UNC13C: variants seen among roughly 807,000 people sequenced by gnomAD.
The protein encoded by UNC13C is unc-13 homolog C, also known as protein unc-13 homolog C.
UNC13C carries 174 observed loss-of-function variants against 245.4 expected under a neutral mutation model. The observed-to-expected ratio is 0.71, with a 90% CI of 0.63 to 0.80. The LOEUF is 0.80. UNC13C is among the 30% of genes least tolerant of loss of function. UNC13C has a pLI of 0.00. For synonymous variants in UNC13C, 992 were observed against 895.1 expected (o/e 1.11, Z -1.93); for missense variants, 2,829 against 2,602.9 (o/e 1.09, Z -1.89).
chr15:54,450,967 T>C (rs1891140252), intron 19 of UNC13C, among the ~76,000 whole-genome samples: 1 of 152,190 alleles, frequency 6.6e-6, no homozygotes, highest in African/African-American at 2.4e-5. Flanking sequence ...GGAAAGACTT[T>C]ATTTTGCCTT....
intron 2 of UNC13C, among the ~76,000 whole-genome samples, chr15:54,066,413 T>A (rs1566987397): frequency 6.6e-6 from 1 of 152,214 alleles, no homozygotes. Flanking sequence ...AGTTAGTCCA[T>A]TTTGTGTCTT....
chr15:54,420,406 G>A (rs755611132), intron 19 of UNC13C, among the ~76,000 whole-genome samples: 2 of 151,592 alleles, frequency 1.3e-5, no homozygotes, highest in East Asian at 2.0e-4. Context: ...AAGAGAAAAG[G>A]CAGAAGCTGC....
intron 2 of UNC13C, among the ~76,000 whole-genome samples, chr15:54,070,733 C>T (rs1413666148): frequency 6.6e-6 from 1 of 152,120 alleles, no homozygotes; most frequent in East Asian, 1.9e-4. Context: ...GCTACAGTTT[C>T]TCGGCTTCCT....
intron 1 of UNC13C, among the ~76,000 whole-genome samples, chr15:53,999,031 C>T (rs894920996): frequency 4.6e-5 from 7 of 151,908 alleles, no homozygotes; most frequent in Non-Finnish European, 8.8e-5. Flanking sequence ...TTTTCATCTA[C>T]GTTCATGAGG....
chr15:54,477,091 A>T, intron 19 of UNC13C, among the ~76,000 whole-genome samples: 2 of 95,208 alleles, frequency 2.1e-5, no homozygotes, highest in Admixed American at 1.1e-4. Context: ...GAGTTCACTC[A>T]TGATTTGGCT....
intron 2 of UNC13C, among the ~76,000 whole-genome samples, chr15:54,122,456 T>C (rs1430544777): frequency 2.0e-5 from 3 of 152,084 alleles, no homozygotes; most frequent in African/African-American, 4.8e-5. Context: ...ATTGTACCAA[T>C]AGATTTTTAA....
rs1476678393 is a variant in UNC13C at position 54,013,983 on chromosome 15, T to C, written c.1080T>C (p.Ala360=). 6.2e-7 allele frequency: 1 copy of C among 1,613,754 alleles called. No individual in the cohort carries two copies. ...DAPNAIKIEF[A]QRIGHQRDCP... is the part of the protein sequence containing the mutation. ...CAAATGCTATTAAAATTGAATTTGC[T>C]CAGAGGATAGGACACCAGAGAGACT... The change falls in exon 2 of 33, where the codon GCT becomes GCC. Residue 360 remains alanine, a synonymous_variant. Coordinates refer to ENST00000260323, the MANE Select transcript of UNC13C (RefSeq NM_001080534.3).
At chr15:54,319,627 T>C (rs980524246) in intron 13 of UNC13C, among the ~76,000 whole-genome samples, 4 of 151,946 alleles carry the variant, frequency 2.6e-5, no homozygotes, top group Non-Finnish European at 4.4e-5. Flanking sequence ...GGTTAAGATA[T>C]AAGAAAAGCC....
chr15:54,599,467 A>C (rs1899283539), intron 30 of UNC13C, among the ~76,000 whole-genome samples: 1 of 151,966 alleles, frequency 6.6e-6, no homozygotes, highest in African/African-American at 2.4e-5. Flanking sequence ...TCATTGTTAC[A>C]TTTTTATGCT....
intron 30 of UNC13C, among the ~76,000 whole-genome samples, chr15:54,614,175 T>C (rs1162765627): frequency 1.3e-5 from 2 of 152,022 alleles, no homozygotes; most frequent in African/African-American, 2.4e-5. Flanking sequence ...CTGGCTATAA[T>C]TGAAAAGCTT....
intron 4 of UNC13C, among the ~76,000 whole-genome samples, chr15:54,152,042 G>A (rs966461316): frequency 4.6e-5 from 7 of 152,122 alleles, no homozygotes; most frequent in East Asian, 1.9e-4. Context: ...TGGTAAGACC[G>A]TCTGCATATT....
rs147890950 is a variant in UNC13C at position 54,464,338 on chromosome 15, C to T, written c.4934-30270C>T. 5.1e-3 allele frequency among the ~76,000 whole-genome samples: 772 copies of T among 152,192 alleles called. 6 individuals are homozygous for T. Among genetic ancestry groups the T allele is most frequent in the African/African-American group, 0.017 (722 of 41,532 alleles). On this transcript the variant is annotated intron_variant, in intron 19 of 32. Transcript: ENST00000260323. ...CTTTTATTAGCTATTTAAAATAAAT[C>T]TTCCTGGAATAGAGAAAACTTTCTC...
intron 2 of UNC13C, among the ~76,000 whole-genome samples, chr15:54,038,225 C>T (rs1896673420): frequency 6.7e-6 from 1 of 148,852 alleles, no homozygotes; most frequent in African/African-American, 2.5e-5. Flanking sequence ...CTGGTTCAAG[C>T]AATTCTCATA....
intron 30 of UNC13C, among the ~76,000 whole-genome samples, chr15:54,582,501 C>A (rs539480817): frequency 3.2e-4 from 49 of 152,126 alleles, no homozygotes; most frequent in African/African-American, 1.2e-3. Flanking sequence ...TGAGGAAGGG[C>A]GCACAGTGAG....
chr15:53,943,031 A>G, the UNC13C span, among the ~76,000 whole-genome samples: 2 of 152,206 alleles, frequency 1.3e-5, no homozygotes, highest in Admixed American at 1.3e-4. Context: ...GAAACATGTT[A>G]GTTTATATTT....
chr15:54,341,555 A>AC lies in UNC13C; in HGVS notation c.4713+3068dup, dbSNP rs138821677. Reference sequence around the variant, plus strand: ...GTTCAGGTAACAAACCTACATATATACCTCATGAATCTAAAATAAATGTTG... The same window carrying AC: ...GTTCAGGTAACAAACCTACATATATACCCTCATGAATCTAAAATAAATGTTG... On this transcript the variant is annotated intron_variant, in intron 17 of 32. Transcript: ENST00000260323. Among the ~76,000 whole-genome samples, 617 of 152,164 alleles carry AC rather than the reference A, an allele frequency of 4.1e-3. 27 individuals are homozygous for AC. In the East Asian group the frequency reaches 0.087, roughly 21 times the overall value.
the UNC13C span, among the ~76,000 whole-genome samples, chr15:53,888,836 G>A: frequency 6.6e-6 from 1 of 152,094 alleles, no homozygotes; most frequent in Non-Finnish European, 1.5e-5. Flanking sequence ...TTTGTGTCAG[G>A]TTTGTCAAAG....
chr15:54,134,090 T>G (rs905418321), intron 2 of UNC13C, among the ~76,000 whole-genome samples: 15 of 147,664 alleles, frequency 1.0e-4, no homozygotes, highest in African/African-American at 3.8e-4. Flanking sequence ...GACACTTATG[T>G]ACTATATTAA....
At position 54,050,786 on chromosome 15, in the gene UNC13C, T is replaced by C. The variant is rs1051396981; in HGVS notation, c.2983+34900T>C. 2.9e-5 allele frequency: 17 copies of C among 591,646 alleles called. No individual in the cohort carries two copies. In the Admixed American group the frequency reaches 3.0e-4, roughly 11 times the overall value. 36.6% of individuals were successfully genotyped at this position (591,646 alleles called of 1,614,324 possible). A position where few individuals can be genotyped will look rare whatever the true frequency, so the allele number is the denominator to read the frequency against. On this transcript the variant is annotated intron_variant, in intron 2 of 32. Transcript: ENST00000260323. Reference sequence around the variant, plus strand: ...CTTCACTATCTGGTGATCATCACTATATGAATACAGCCCTTCAGCAGTAGT... The same window carrying C: ...CTTCACTATCTGGTGATCATCACTACATGAATACAGCCCTTCAGCAGTAGT...
Sources: allele counts gnomAD v4.1 joint callset (sites outside exome capture counted in the v4.1 genomes callset), GRCh38; gene constraint gnomAD v4.1.1; transcripts MANE v1.5; gene names NCBI Gene and HGNC (gene_info 2026-07-23, HGNC 2026-07-21).